Variants in SPSB4 observed in about 807,000 individuals in gnomAD.
The protein encoded by SPSB4 is splA/ryanodine receptor domain and SOCS box containing 4, also known as SPRY domain-containing SOCS box protein 4.
A neutral mutation model predicts 20.9 loss-of-function variants in SPSB4; 21 were observed. That is an observed-to-expected ratio of 1.01 (90% CI 0.71 to 1.45). SPSB4 has a LOEUF of 1.45. Among genes scored for constraint, SPSB4 ranks in the 40% most tolerant of loss-of-function variants. SPSB4 has a pLI of 0.00. For missense variants in SPSB4, 399 were observed against 399.2 expected (o/e 1.00, Z 0.00); for synonymous variants, 207 against 183.8 (o/e 1.13, Z -1.02).
intron 2 of SPSB4, among the ~76,000 whole-genome samples, chr3:141,095,199 A>G (rs1165252982): frequency 6.6e-6 from 1 of 152,092 alleles, no homozygotes; most frequent in East Asian, 1.9e-4. Flanking sequence ...TGTGCGGGTG[A>G]TGCCGCAGCC....
chr3:141,103,971 T>A (rs1159669195), intron 2 of SPSB4, among the ~76,000 whole-genome samples: 2 of 152,162 alleles, frequency 1.3e-5, no homozygotes, highest in South Asian at 2.1e-4. Flanking sequence ...GGTTCGTCAC[T>A]TAAAAGGACC....
At chr3:141,089,221 G>A (rs980249280) in intron 2 of SPSB4, among the ~76,000 whole-genome samples, 1 of 152,220 alleles carries the variant, frequency 6.6e-6, no homozygotes, top group Non-Finnish European at 1.5e-5. Context: ...TCAGGTGGAC[G>A]AGGGTCCAAA....
chr3:141,139,825 C>T (rs563267043), intron 2 of SPSB4, among the ~76,000 whole-genome samples: 12 of 152,264 alleles, frequency 7.9e-5, no homozygotes, highest in African/African-American at 2.9e-4. Context: ...TGGAGTTGCT[C>T]TTCTTGAGGA....
chr3:141,099,346 G>A (rs1295849347), intron 2 of SPSB4, among the ~76,000 whole-genome samples: 3 of 152,016 alleles, frequency 2.0e-5, no homozygotes, highest in Non-Finnish European at 2.9e-5. Context: ...CACCATGCCC[G>A]GCTAATTTTT....
At chr3:141,142,193 C>A (rs1939341729) in intron 2 of SPSB4, among the ~76,000 whole-genome samples, 1 of 152,164 alleles carries the variant, frequency 6.6e-6, no homozygotes, top group Non-Finnish European at 1.5e-5. Flanking sequence ...ATGAACTTTC[C>A]TCTTAGCACT....
At chr3:141,100,146 A>G (rs1387885645) in intron 2 of SPSB4, among the ~76,000 whole-genome samples, 2 of 152,034 alleles carry the variant, frequency 1.3e-5, no homozygotes, top group East Asian at 1.9e-4. Context: ...GCTGTGCCCT[A>G]TTCTTCCCTG....
chr3:141,104,528 G>A (rs1261112386), intron 2 of SPSB4, among the ~76,000 whole-genome samples: 1 of 152,234 alleles, frequency 6.6e-6, no homozygotes, highest in Non-Finnish European at 1.5e-5. Context: ...GGCTGGGGTT[G>A]TTTTTGGCAG....
chr3:141,078,601 G>A (rs905196634), intron 2 of SPSB4, among the ~76,000 whole-genome samples: 5 of 152,224 alleles, frequency 3.3e-5, no homozygotes, highest in African/African-American at 1.2e-4. Context: ...GCAGAATTCA[G>A]GGGCTTTCCT....
At position 141,066,177 on chromosome 3, in the gene SPSB4, G is replaced by A. The variant is rs933378661; in HGVS notation, c.73G>A (p.Glu25Lys). ...REPALRPAKR[E>K]LRGAEPGRPA... ...GCCGGCGCTGCGGCCGGCCAAGCGG[G>A]AGCTGCGGGGTGCAGAGCCCGGGCG... Residue 25 changes from glutamate (E) to lysine (K), a missense_variant, in exon 2 of 3, where the codon GAG (glutamate) becomes AAG (lysine). Glu to Lys is a moderately conservative substitution (Grantham distance 56, BLOSUM62 1). Transcript: ENST00000310546. The A allele has an allele frequency of 2.6e-6, 4 of 1,533,236 alleles. No individual in the cohort carries two copies. The highest frequency in any genetic ancestry group is 3.5e-6 in the Non-Finnish European group (4 of 1,141,924). The allele number at this position is 1,533,236 out of a possible 1,614,324, so 95.0% of individuals were successfully genotyped here.
chr3:141,097,676 G>A (rs922196498), intron 2 of SPSB4, among the ~76,000 whole-genome samples: 10 of 152,094 alleles, frequency 6.6e-5, no homozygotes, highest in Non-Finnish European at 1.3e-4. Context: ...TCAGTGAGGA[G>A]GAATGGTCTC....
In SPSB4 at chr3:141,066,383, C is replaced by T. The variant is rs1282300954; in HGVS notation, c.279C>T (p.His93=). 11 of 1,544,372 alleles carry T rather than the reference C, an allele frequency of 7.1e-6. No individual in the cohort carries two copies. Among genetic ancestry groups the T allele is most frequent in the Non-Finnish European group, 8.7e-6 (10 of 1,146,348 alleles). ...STDGIRGKVG[H]ARGLHAWQIN... ...ACGGCATCCGCGGCAAGGTGGGCCA[C>T]GCCCGCGGCCTGCACGCCTGGCAGA... is the stretch of plus-strand genomic sequence containing the variant. The change falls in exon 2 of 3, where the codon CAC becomes CAT. Residue 93 remains histidine (H), a synonymous_variant. Transcript: ENST00000310546.
chr3:141,105,277 C>T (rs1938670298), intron 2 of SPSB4, among the ~76,000 whole-genome samples: 1 of 152,130 alleles, frequency 6.6e-6, no homozygotes, highest in South Asian at 2.1e-4. Context: ...GAAAAGCATC[C>T]GCCTTGTGCA....
At chr3:141,134,056 C>CT (rs1222303281) in intron 2 of SPSB4, among the ~76,000 whole-genome samples, 3,872 of 61,640 alleles carry the variant, frequency 0.063, 142 homozygotes, top group African/African-American at 0.073. Flanking sequence ...TTTCTTTTTT[C>CT]TTTTTTTTTT....
chr3:141,057,251 G>A (rs1242702741), intron 1 of SPSB4, among the ~76,000 whole-genome samples: 2 of 152,156 alleles, frequency 1.3e-5, no homozygotes, highest in African/African-American at 2.4e-5. Context: ...ATTCATTGTT[G>A]GTGGGTTCAT....
At chr3:141,102,820 G>A (rs1332628002) in intron 2 of SPSB4, among the ~76,000 whole-genome samples, 2 of 152,148 alleles carry the variant, frequency 1.3e-5, no homozygotes, top group African/African-American at 4.8e-5. Flanking sequence ...GGTCAATGCG[G>A]TTGCTCAAAG....
intron 2 of SPSB4, among the ~76,000 whole-genome samples, chr3:141,105,854 T>C (rs897561923): frequency 2.0e-5 from 3 of 152,264 alleles, no homozygotes; most frequent in East Asian, 3.8e-4. Context: ...CATCTCCCTT[T>C]CCTGGTAAAC....
intron 2 of SPSB4, among the ~76,000 whole-genome samples, chr3:141,095,609 C>A (rs1938535263): frequency 6.6e-6 from 1 of 151,990 alleles, no homozygotes; most frequent in Non-Finnish European, 1.5e-5. Context: ...ATGAGGAGGG[C>A]CTGTGCCCAC....
At chr3:141,136,801 T>G (rs183096946) in intron 2 of SPSB4, among the ~76,000 whole-genome samples, 44 of 152,340 alleles carry the variant, frequency 2.9e-4, no homozygotes, top group Non-Finnish European at 5.7e-4. Flanking sequence ...TCTGTTGGCT[T>G]AGGATTGACT....
At chr3:141,080,480 G>C (rs1938210691) in intron 2 of SPSB4, 1 of 152,428 alleles carries the variant, frequency 6.6e-6, no homozygotes, top group South Asian at 2.1e-4. Flanking sequence ...GGGCAAGTGA[G>C]TGACCCAGGG....
Sources: allele counts gnomAD v4.1 joint callset (sites outside exome capture counted in the v4.1 genomes callset), GRCh38; gene constraint gnomAD v4.1.1; transcripts MANE v1.5; gene names NCBI Gene and HGNC (gene_info 2026-07-23, HGNC 2026-07-21).